XYLT1: variants seen among roughly 807,000 people sequenced by gnomAD.
The protein encoded by XYLT1 is beta-D-xylosyltransferase 1.
A neutral mutation model predicts 91.3 loss-of-function variants in XYLT1; 36 were observed. That is an observed-to-expected ratio of 0.39 (90% CI 0.30 to 0.52). The LOEUF (loss-of-function observed/expected upper bound fraction) is 0.52, where lower values mean the gene tolerates loss of function less well. Among genes scored for constraint, XYLT1 ranks in the 20% least tolerant of loss-of-function variants. The pLI, the probability that XYLT1 is intolerant of heterozygous loss-of-function variation, is 0.68. For synonymous variants in XYLT1, 588 were observed against 532.0 expected (o/e 1.11, Z -1.45); for missense variants, 1,242 against 1,284.5 (o/e 0.97, Z 0.51).
intron 6 of XYLT1, among the ~76,000 whole-genome samples, chr16:17,145,822 C>T (rs1254854859): frequency 6.6e-6 from 1 of 152,258 alleles, no homozygotes; most frequent in East Asian, 1.9e-4. Context: ...AAAATGCTTC[C>T]TCTTCCACTG....
intron 5 of XYLT1, among the ~76,000 whole-genome samples, chr16:17,183,335 T>C (rs1215825942): frequency 6.6e-6 from 1 of 152,202 alleles, no homozygotes; most frequent in East Asian, 1.9e-4. Context: ...CTCTGCCTCC[T>C]GGATTCTCAT....
At chr16:17,461,953 C>A (rs2036829622) in intron 1 of XYLT1, among the ~76,000 whole-genome samples, 1 of 152,174 alleles carries the variant, frequency 6.6e-6, no homozygotes, top group African/African-American at 2.4e-5. Flanking sequence ...AGTCCTTCCA[C>A]AGTGTTTGGT....
chr16:17,195,393 G>T (rs1401782847), intron 5 of XYLT1, among the ~76,000 whole-genome samples: 1 of 151,854 alleles, frequency 6.6e-6, no homozygotes, highest in East Asian at 1.9e-4. Flanking sequence ...CCTGCTTATG[G>T]CCCTCGAGTT....
At chr16:17,251,631 G>A (rs34588333) in intron 3 of XYLT1, among the ~76,000 whole-genome samples, 26,978 of 152,224 alleles carry the variant, frequency 0.18, 2,528 homozygotes, top group Non-Finnish European at 0.21. Context: ...GCCACTGCAC[G>A]GAGGGCGCTT....
chr16:17,385,439 C>A (rs2035737490), intron 1 of XYLT1, among the ~76,000 whole-genome samples: 1 of 151,804 alleles, frequency 6.6e-6, no homozygotes, highest in Non-Finnish European at 1.5e-5. Context: ...CTGATTTGAT[C>A]TGTTTCCAGC....
At chr16:17,406,467 TCCC>T (rs1415154272) in intron 1 of XYLT1, among the ~76,000 whole-genome samples, 2 of 152,088 alleles carry the variant, frequency 1.3e-5, no homozygotes, top group Non-Finnish European at 2.9e-5. Context: ...TCCAGTAAGC[TCCC>T]CCATGGGGCC....
At chr16:17,114,856 GT>G (rs1966848780) in intron 11 of XYLT1, among the ~76,000 whole-genome samples, 1 of 151,528 alleles carries the variant, frequency 6.6e-6, no homozygotes, top group African/African-American at 2.4e-5. Context: ...TTTTGTTGTT[GT>G]TTTTTGAGAC....
intron 10 of XYLT1, among the ~76,000 whole-genome samples, chr16:17,123,497 G>A (rs1360532136): frequency 6.6e-6 from 1 of 152,116 alleles, no homozygotes; most frequent in Admixed American, 6.5e-5. Flanking sequence ...GTTCCTTTTG[G>A]AGTTAATTTC....
At chr16:17,202,961 T>C (rs539584037) in intron 3 of XYLT1, among the ~76,000 whole-genome samples, 38 of 152,322 alleles carry the variant, frequency 2.5e-4, no homozygotes, top group Non-Finnish European at 7.4e-5. Flanking sequence ...GTTCATTAGA[T>C]AATTTAATCC....
chr16:17,359,208 A>C (rs966348584), intron 1 of XYLT1, among the ~76,000 whole-genome samples: 13 of 152,208 alleles, frequency 8.5e-5, no homozygotes, highest in Admixed American at 7.2e-4. Context: ...TCTGATAGAG[A>C]ATGGGCATGA....
intron 5 of XYLT1, among the ~76,000 whole-genome samples, chr16:17,196,407 A>G (rs2032426975): frequency 6.6e-6 from 1 of 152,248 alleles, no homozygotes; most frequent in South Asian, 2.1e-4. Context: ...TTTTCTAGAT[A>G]TATACTGAAA....
intron 6 of XYLT1, among the ~76,000 whole-genome samples, chr16:17,147,895 G>A (rs542914722): frequency 2.6e-5 from 4 of 152,286 alleles, no homozygotes; most frequent in South Asian, 2.1e-4. Flanking sequence ...CACCTGAGGC[G>A]TGAAGCACAG....
At chr16:17,131,422 A>G (rs2030470755) in intron 9 of XYLT1, among the ~76,000 whole-genome samples, 1 of 152,228 alleles carries the variant, frequency 6.6e-6, no homozygotes, top group African/African-American at 2.4e-5. Flanking sequence ...ACTAAAAAAA[A>G]TTAGGAGATT....
At chr16:17,153,173 C>CCAAGGGCTTTTCCATATA (rs1206051618) in intron 6 of XYLT1, among the ~76,000 whole-genome samples, 1 of 152,178 alleles carries the variant, frequency 6.6e-6, no homozygotes, top group Non-Finnish European at 1.5e-5. Flanking sequence ...CTAACTGTCC[C>CCAAGGGCTTTTCCATATA]CAAGGGCTTT....
At chr16:17,296,064 C>G (rs561358403) in intron 2 of XYLT1, among the ~76,000 whole-genome samples, 15 of 150,834 alleles carry the variant, frequency 9.9e-5, no homozygotes, top group Admixed American at 7.2e-4. Context: ...TCTCCCTGCG[C>G]CAAAAGCACA....
At chr16:17,346,000 G>A (rs992348162) in intron 2 of XYLT1, among the ~76,000 whole-genome samples, 8 of 152,128 alleles carry the variant, frequency 5.3e-5, no homozygotes, top group African/African-American at 7.2e-5. Flanking sequence ...TAGTAAAGAC[G>A]GGGTCTCGCC....
At chr16:17,333,915 G>C (rs1322124387) in intron 2 of XYLT1, among the ~76,000 whole-genome samples, 1 of 152,108 alleles carries the variant, frequency 6.6e-6, no homozygotes, top group Admixed American at 6.5e-5. Context: ...CCCAAGGGAA[G>C]AGTATTAAGT....
In XYLT1 at chr16:17,134,633, C is replaced by T; in HGVS notation, c.1867G>A (p.Gly623Ser). The T allele has an allele frequency of 1.9e-6, 3 of 1,614,218 alleles. No individual in the cohort carries two copies. The highest frequency in any genetic ancestry group is 1.7e-6 in the Non-Finnish European group (2 of 1,180,050). Residue 623 changes from glycine (G) to serine (S), a missense_variant, in exon 9 of 12, where the codon GGT becomes AGT. Gly to Ser is a moderately conservative substitution (Grantham distance 56, BLOSUM62 0). Transcript: ENST00000261381. ...CAGTAGGAGCGCAGGCCCGGGGTAC[C>T]TGCAGGGTAGTTCCCGTACAGGTAA... ...DYYLYGNYPA[G>S]TPGLRSYWEN...
At chr16:17,456,898 C>T (rs759442755) in intron 1 of XYLT1, among the ~76,000 whole-genome samples, 3 of 152,114 alleles carry the variant, frequency 2.0e-5, no homozygotes, top group Non-Finnish European at 2.9e-5. Context: ...ATCTAGGAGA[C>T]GCTGCTCAGT....
Sources: gnomAD v4.1 joint callset for allele counts (sites outside exome capture counted in the v4.1 genomes callset) on GRCh38, gnomAD v4.1.1 for gene constraint, MANE v1.5 for transcripts, NCBI Gene and HGNC (gene_info 2026-07-23, HGNC 2026-07-21) for gene names.